Variants in SULT4A1 observed in about 807,000 individuals in gnomAD.
The protein encoded by SULT4A1 is sulfotransferase family 4A member 1.
A neutral mutation model predicts 35.2 loss-of-function variants in SULT4A1; 11 were observed. The ratio of observed to expected loss-of-function variants is 0.31; its 90% confidence interval spans 0.20 to 0.52. The LOEUF is 0.52. Ranked by LOEUF, SULT4A1 falls within the 20% of genes least tolerant of loss-of-function variation. The pLI is 0.97. For missense variants in SULT4A1, 271 were observed against 383.7 expected (o/e 0.71, Z 2.45); for synonymous variants, 152 against 151.8 (o/e 1.00, Z -0.01).
intron 6 of SULT4A1, chr22:43,828,819 A>G: frequency 2.2e-6 from 1 of 458,904 alleles, no homozygotes; most frequent in Non-Finnish European, 3.8e-6. Context: ...TTTTCAAGTC[A>G]AAACACTGTT....
Position 43,829,202 on chromosome 22 carries a change from G to T in SULT4A1, c.604-4C>A. ...GCTCCACCATCGTCACCAGGTCCTG[G>T]AAGACAAGTGCAGAGAGCAGAGCAG... On this transcript the variant is annotated splice_region_variant and splice_polypyrimidine_tract_variant and intron_variant, in intron 5 of 6. Coordinates refer to ENST00000330884, the MANE Select transcript of SULT4A1 (RefSeq NM_014351.4). The T allele has an allele frequency of 6.4e-7, 1 of 1,557,036 alleles. No homozygotes were observed.
chr22:43,826,251 AG>A, intron 6 of SULT4A1, 138 bp from the exon 7 acceptor site: 1 of 1,467,684 alleles, frequency 6.8e-7, no homozygotes, highest in Non-Finnish European at 8.9e-7. Context: ...GGGGGCAGGA[AG>A]GGCCGTCTGA....
chr22:43,835,363 G>C (rs1168564499), intron 4 of SULT4A1, among the ~76,000 whole-genome samples: 2 of 152,228 alleles, frequency 1.3e-5, no homozygotes, highest in Non-Finnish European at 2.9e-5. Context: ...CAAGGCGTCA[G>C]TTAAGGATCA....
chr22:43,852,252 C>A (rs1357891484), intron 1 of SULT4A1, among the ~76,000 whole-genome samples: 1 of 152,106 alleles, frequency 6.6e-6, no homozygotes, highest in Non-Finnish European at 1.5e-5. Flanking sequence ...ACTGCAGCCT[C>A]ACCCTCCTGG....
chr22:43,858,049 CA>C (rs11362056), intron 1 of SULT4A1, among the ~76,000 whole-genome samples: 20,939 of 90,784 alleles, frequency 0.23, 1,117 homozygotes, highest in African/African-American at 0.31. Flanking sequence ...GATCCTGTCT[CA>C]AAAAAAAAAA....
chr22:43,855,811 G>C (rs868551374), intron 1 of SULT4A1, among the ~76,000 whole-genome samples: 1 of 152,122 alleles, frequency 6.6e-6, no homozygotes, highest in African/African-American at 2.4e-5. Context: ...ACACTAACAG[G>C]GAGAGGTCAG....
intron 1 of SULT4A1, among the ~76,000 whole-genome samples, chr22:43,845,122 C>T (rs2063465268): frequency 6.6e-6 from 1 of 152,202 alleles, no homozygotes; most frequent in Admixed American, 6.5e-5. Flanking sequence ...TCTGACCTCC[C>T]AGAAGAAACG....
chr22:43,847,451 T>C (rs1291297084), intron 1 of SULT4A1, among the ~76,000 whole-genome samples: 1 of 152,176 alleles, frequency 6.6e-6, no homozygotes, highest in Non-Finnish European at 1.5e-5. Flanking sequence ...CACTGGTCTC[T>C]CTCCATGCTC....
chr22:43,838,772 T>C, intron 4 of SULT4A1, 95 bp downstream of exon 4: 2 of 1,544,148 alleles, frequency 1.3e-6, no homozygotes, highest in Non-Finnish European at 1.8e-6. Flanking sequence ...CTGTCAGAAC[T>C]GGAGACCGTG....
rs1206557885 is a variant in SULT4A1 at position 43,829,149 on chromosome 22, C to T, written c.653G>A (p.Cys218Tyr). ...EQLARFLGVS[C>Y]DKAQLEALTE... ...CAGGGCTTCCAGCTGGGCCTTGTCACAGGACACCCCCAGGAATCTGGCCAG... is the reference window on the plus strand; with the variant it reads ...CAGGGCTTCCAGCTGGGCCTTGTCATAGGACACCCCCAGGAATCTGGCCAG... Residue 218 changes from cysteine (C) to tyrosine (Y), a missense_variant, in exon 6 of 7, where the codon TGT (cysteine) becomes TAT (tyrosine). Coordinates refer to ENST00000330884, the MANE Select transcript of SULT4A1 (RefSeq NM_014351.4). 6.4e-7 allele frequency: 1 copy of T among 1,564,188 alleles called. No homozygotes were observed. Among genetic ancestry groups the T allele is most frequent in the Non-Finnish European group, 8.7e-7 (1 of 1,154,440 alleles).
intron 6 of SULT4A1, chr22:43,827,294 C>G (rs545979071): frequency 1.0e-6 from 1 of 985,426 alleles, no homozygotes; most frequent in South Asian, 4.7e-5. Context: ...CAAACTGCAA[C>G]CCTGCAAATG....
chr22:43,853,319 G>C (rs963056856), intron 1 of SULT4A1, among the ~76,000 whole-genome samples: 1 of 152,222 alleles, frequency 6.6e-6, no homozygotes, highest in Non-Finnish European at 1.5e-5. Flanking sequence ...TCAAGCAAGG[G>C]TGAAACAGAT....
intron 1 of SULT4A1, among the ~76,000 whole-genome samples, chr22:43,859,779 G>C (rs937915761): frequency 2.6e-5 from 4 of 152,194 alleles, no homozygotes; most frequent in African/African-American, 7.2e-5. Context: ...CACCCAATAC[G>C]GCAGCCGCTA....
intron 1 of SULT4A1, among the ~76,000 whole-genome samples, chr22:43,853,108 A>G (rs2049360509): frequency 1.3e-5 from 2 of 151,844 alleles, no homozygotes. Context: ...GCACGCACAC[A>G]CACACCAGAC....
chr22:43,855,571 A>G (rs987791378), intron 1 of SULT4A1, among the ~76,000 whole-genome samples: 15 of 152,130 alleles, frequency 9.9e-5, no homozygotes, highest in African/African-American at 2.7e-4. Flanking sequence ...AGCATGCTTT[A>G]GGGAGGCTTC....
chr22:43,832,547 G>C (rs556408295), intron 5 of SULT4A1, among the ~76,000 whole-genome samples: 5 of 151,998 alleles, frequency 3.3e-5, no homozygotes, highest in African/African-American at 1.2e-4. Context: ...TGCAGGAAAC[G>C]CAAGGCACAC....
At position 43,842,788 on chromosome 22, in the gene SULT4A1, A is replaced by G. The variant is rs2063444680; in HGVS notation, c.170-856T>C. Among the ~76,000 whole-genome samples, 2 of 152,190 alleles carry G rather than the reference A, an allele frequency of 1.3e-5. 1 individual carries two copies. The highest frequency in any genetic ancestry group is 4.2e-4 in the South Asian group (2 of 4,816). On this transcript the variant is annotated intron_variant, in intron 1 of 6. Coordinates refer to ENST00000330884, the MANE Select transcript of SULT4A1 (RefSeq NM_014351.4). ...TTGGTTACTGATTCAGAGAAGACAC[A>G]AAGGCGATTCCGGGGTCTAGAGCTA...
At chr22:43,843,688 A>T (rs2063451471) in intron 1 of SULT4A1, among the ~76,000 whole-genome samples, 2 of 152,230 alleles carry the variant, frequency 1.3e-5, no homozygotes, top group Admixed American at 1.3e-4. Flanking sequence ...GGGTTCCTGG[A>T]GGGTGGCTTG....
intron 4 of SULT4A1, among the ~76,000 whole-genome samples, chr22:43,838,442 G>A (rs1007564028): frequency 2.6e-5 from 4 of 152,242 alleles, no homozygotes; most frequent in Non-Finnish European, 4.4e-5. Flanking sequence ...GCTTGCCTGT[G>A]CCTGAGGTTC....
Sources: gnomAD v4.1 joint callset for allele counts (sites outside exome capture counted in the v4.1 genomes callset) on GRCh38, gnomAD v4.1.1 for gene constraint, MANE v1.5 for transcripts, NCBI Gene and HGNC (gene_info 2026-07-23, HGNC 2026-07-21) for gene names.